Variants in ZNF354B observed in about 807,000 individuals in gnomAD.
ZNF354B encodes the protein zinc finger protein 354B.
A neutral mutation model predicts 12.9 loss-of-function variants in ZNF354B; 10 were observed. The ratio of observed to expected loss-of-function variants is 0.77; its 90% CI spans 0.48 to 1.31. ZNF354B has a LOEUF of 1.31. ZNF354B is among the 40% of genes most tolerant of loss of function. ZNF354B has a pLI of 0.00. For synonymous variants in ZNF354B, 260 were observed against 243.7 expected, an observed-to-expected ratio of 1.07 and a Z score of -0.62; for missense variants, 614 against 711.7, an observed-to-expected ratio of 0.86 and a Z score of 1.56.
intron 2 of ZNF354B, among the ~76,000 whole-genome samples, chr5:178,863,924 TAAAG>T (rs1471663070): frequency 2.0e-5 from 3 of 152,138 alleles, no homozygotes; most frequent in Admixed American, 6.6e-5. Context: ...AATAAGGATA[TAAAG>T]AAAGAAAATA....
At chr5:178,861,897 A>C (rs1489153979) in intron 2 of ZNF354B, among the ~76,000 whole-genome samples, 1 of 152,216 alleles carries the variant, frequency 6.6e-6, no homozygotes, top group East Asian at 1.9e-4. Context: ...TGAAGGGATC[A>C]CATGAGTTAG....
In ZNF354B at chr5:178,884,424, T is replaced by C. The variant is rs1382213681; in HGVS notation, c.*133T>C. 19 of 976,094 alleles carry C rather than the reference T, an allele frequency of 1.9e-5. No individual in the cohort carries two copies. Among genetic ancestry groups the C allele is most frequent in the South Asian group, 1.7e-4 (8 of 46,982 alleles). The allele number at this position is 976,094 out of a possible 1,614,324, so 60.5% of individuals were successfully genotyped here. ...TAAACTTTAGCTATGTAATAACTTA[T>C]GGGAAAAGCTTTTATACTTGTCACT... On this transcript the variant is annotated 3_prime_UTR_variant, in exon 5 of 5. Coordinates refer to ENST00000322434, the MANE Select transcript of ZNF354B (RefSeq NM_058230.3).
rs141018422 is a variant in ZNF354B at position 178,882,847 on chromosome 5, A to G, written c.395A>G (p.Lys132Arg). ...TCCTGCATATATGAAGAGAAATTAA[A>G]GAAACAGCAGGACAAAAATGAAAAT... ...ERSCIYEEKLKKQQDKNENLQ... is the reference protein window; with the variant it reads ...ERSCIYEEKLRKQQDKNENLQ... Residue 132 changes from lysine to arginine, a missense_variant, in exon 5 of 5, where the codon AAG becomes AGG. Transcript: ENST00000322434. 1.0e-4 allele frequency: 162 copies of G among 1,607,680 alleles called. 1 individual carries two copies. In the African/African-American group the frequency reaches 1.6e-3, roughly 16 times the overall value.
chr5:178,865,775 C>G (rs1312285545), intron 2 of ZNF354B, among the ~76,000 whole-genome samples: 1 of 152,160 alleles, frequency 6.6e-6, no homozygotes, highest in African/African-American at 2.4e-5. Flanking sequence ...TATCCTCAAG[C>G]TTGAATCAGC....
In ZNF354B at chr5:178,884,583, G is replaced by C; in HGVS notation, c.*292G>C. On this transcript the variant is annotated 3_prime_UTR_variant, in exon 5 of 5. Transcript: ENST00000322434. ...ATGACATGCAAAAAAGAAAAGTCTG[G>C]GTGCTGAGGTGCTGAATTTTTCATT... is the stretch of plus-strand genomic sequence containing the variant. The C allele has an allele frequency of 4.3e-6, 1 of 230,340 alleles. No individual in the cohort carries two copies. The highest frequency in any genetic ancestry group is 8.3e-6 in the Non-Finnish European group (1 of 120,128). 14.3% of individuals were successfully genotyped at this position (230,340 alleles called of 1,614,324 possible).
intron 4 of ZNF354B, among the ~76,000 whole-genome samples, chr5:178,875,957 C>G (rs570945872): frequency 1.3e-5 from 2 of 151,946 alleles, no homozygotes; most frequent in East Asian, 3.9e-4. Flanking sequence ...CTGTCCAAAG[C>G]CAGGGTCCCT....
At position 178,873,205 on chromosome 5, in the gene ZNF354B, G is replaced by A. The variant is rs149715298; in HGVS notation, c.256+6134G>A. 2.8e-3 allele frequency among the ~76,000 whole-genome samples: 433 copies of A among 152,218 alleles called. 1 individual carries two copies. The highest frequency in any genetic ancestry group is 9.7e-3 in the African/African-American group (404 of 41,548). ...TTATATATGCTGGATAGTAGTTGCC[G>A]GATATGTGGTTCACAAATGCTTTCT... On this transcript the variant is annotated intron_variant, in intron 4 of 4. Coordinates refer to ENST00000322434, the MANE Select transcript of ZNF354B (RefSeq NM_058230.3).
At chr5:178,881,075 C>G (rs1028823066) in intron 4 of ZNF354B, among the ~76,000 whole-genome samples, 2 of 151,884 alleles carry the variant, frequency 1.3e-5, no homozygotes, top group Non-Finnish European at 2.9e-5. Context: ...AACTCCTGAC[C>G]TCAGGTGATC....
At chr5:178,870,809 CT>C in intron 4 of ZNF354B, among the ~76,000 whole-genome samples, 1 of 152,238 alleles carries the variant, frequency 6.6e-6, no homozygotes, top group South Asian at 2.1e-4. Flanking sequence ...CCACAATGCC[CT>C]GTAGCCCTAT....
At chr5:178,866,833 G>A in intron 3 of ZNF354B, 143 bp from the exon 4 acceptor site, 1 of 719,308 alleles carries the variant, frequency 1.4e-6, no homozygotes, top group Non-Finnish European at 2.3e-6. Flanking sequence ...TCATTCTATA[G>A]ATGCCAGTTT....
rs1453879995 is a variant in ZNF354B at position 178,883,241 on chromosome 5, T to G, written c.789T>G (p.Thr263=). Residue 263 remains threonine (T), a synonymous_variant, in exon 5 of 5, where the codon ACT becomes ACG. Coordinates refer to ENST00000322434, the MANE Select transcript of ZNF354B (RefSeq NM_058230.3). The stretch of plus-strand genomic sequence containing the variant: ...CTGCTCTTATTCAACATCAAAGAAC[T>G]CATACAGGAGAGAAACCCTATATAT... ...QSSALIQHQR[T]HTGEKPYICK... 2.5e-6 allele frequency: 4 copies of G among 1,612,344 alleles called. No homozygotes were observed. The highest frequency in any genetic ancestry group is 3.4e-6 in the Non-Finnish European group (4 of 1,179,666).
rs531992853 is a variant in ZNF354B at position 178,860,233 on chromosome 5, G to C, written c.-52+106G>C. On this transcript the variant is annotated intron_variant, in intron 1 of 4. Transcript: ENST00000322434. ...TCTGTGGGCGCGGGGGGGCACCCCC[G>C]CGTCTGTCACCGGCCCCCGCGCCAG... is the stretch of plus-strand genomic sequence containing the variant. 6.0e-3 allele frequency: 911 copies of C among 152,086 alleles called. 2 individuals are homozygous for C. Among genetic ancestry groups the C allele is most frequent in the South Asian group, 7.7e-3 (37 of 4,826 alleles). 9.4% of individuals were successfully genotyped at this position (152,086 alleles called of 1,614,324 possible). A position where few individuals can be genotyped will look rare whatever the true frequency, so the allele number is the denominator to read the frequency against.
chr5:178,880,830 CATTT>C (rs1757705783), intron 4 of ZNF354B, among the ~76,000 whole-genome samples: 2 of 113,850 alleles, frequency 1.8e-5, no homozygotes, highest in Non-Finnish European at 3.5e-5. Flanking sequence ...AACTCATGGT[CATTT>C]TTTTTTTTTT....
intron 4 of ZNF354B, among the ~76,000 whole-genome samples, chr5:178,875,385 C>A (rs1757621858): frequency 6.6e-6 from 1 of 152,050 alleles, no homozygotes; most frequent in Admixed American, 6.6e-5. Flanking sequence ...CTGCCCTGTG[C>A]CCAAGATGGG....
At chr5:178,863,226 A>T (rs890353639) in intron 2 of ZNF354B, among the ~76,000 whole-genome samples, 1 of 152,024 alleles carries the variant, frequency 6.6e-6, no homozygotes, top group Non-Finnish European at 1.5e-5. Flanking sequence ...AGAGAATAAA[A>T]CATTTATATA....
intron 2 of ZNF354B, among the ~76,000 whole-genome samples, chr5:178,862,285 G>A (rs1018662884): frequency 3.3e-5 from 5 of 151,786 alleles, no homozygotes; most frequent in Non-Finnish European, 7.4e-5. Context: ...CCACCCAGTC[G>A]TCCCTGTGGT....
chr5:178,874,730 TTC>T (rs2114019908), intron 4 of ZNF354B, among the ~76,000 whole-genome samples: 1 of 152,324 alleles, frequency 6.6e-6, no homozygotes, highest in African/African-American at 2.4e-5. Context: ...TGAGTTCTGT[TTC>T]TGTCATTTCA....
intron 4 of ZNF354B, among the ~76,000 whole-genome samples, chr5:178,871,647 C>G (rs1028929159): frequency 6.6e-6 from 1 of 152,218 alleles, no homozygotes; most frequent in East Asian, 1.9e-4. Context: ...AATGAATGCA[C>G]GAGTGACTTG....
Position 178,883,256 on chromosome 5 carries a change from A to AC in ZNF354B, c.807dup (p.Tyr270LeufsTer4), listed in dbSNP as rs1157261897. On this transcript the variant is annotated frameshift_variant, in exon 5 of 5. Coordinates refer to ENST00000322434, the MANE Select transcript of ZNF354B (RefSeq NM_058230.3). LOFTEE classifies it low-confidence loss of function (END_TRUNC). ...ATCAAAGAACTCATACAGGAGAGAA[A>AC]CCCTATATATGTAAAGAATGTGGGA... 1.2e-6 allele frequency: 2 copies of AC among 1,612,742 alleles called. No homozygotes were observed. The highest frequency in any genetic ancestry group is 2.7e-5 in the African/African-American group (2 of 74,776).
Sources: gnomAD v4.1 joint callset for allele counts (sites outside exome capture counted in the v4.1 genomes callset) on GRCh38, gnomAD v4.1.1 for gene constraint, MANE v1.5 for transcripts, NCBI Gene and HGNC (gene_info 2026-07-23, HGNC 2026-07-21) for gene names.